Variants in ZNF66 observed in about 807,000 individuals in gnomAD.
The protein encoded by ZNF66 is zinc finger protein 66.
In ZNF66, 32 loss-of-function variants were observed where a neutral mutation model predicts 35.2. The ratio of observed to expected loss-of-function variants is 0.91; its 90% confidence interval spans 0.69 to 1.22. The LOEUF is 1.22. Among genes scored for constraint, ZNF66 ranks in the 50% most tolerant of loss-of-function variants. ZNF66 has a pLI of 0.00. For missense variants in ZNF66, 666 were observed against 543.1 expected (o/e 1.23, Z -2.25); for synonymous variants, 231 against 181.3 (o/e 1.27, Z -2.20).
In ZNF66 at chr19:20,785,670, T is replaced by A. The variant is rs188771875; in HGVS notation, c.4-6842T>A. On this transcript the variant is annotated intron_variant, in intron 1 of 3. Coordinates refer to ENST00000344519, the MANE Select transcript of ZNF66 (RefSeq NM_001355197.2). ...TAATTTTATAAGAAAGCCATTTTCT[T>A]TCTCTGGGGCTGAAGAAACCATTTT... Among the ~76,000 whole-genome samples the A allele has an allele frequency of 2.0e-3, 307 of 152,282 alleles. 1 individual carries two copies. The highest frequency in any genetic ancestry group is 7.1e-3 in the African/African-American group (296 of 41,558).
In ZNF66 at chr19:20,797,170, C is replaced by T. The variant is rs1021260880; in HGVS notation, c.226+3292C>T. ...CCGGCCTGACAATTTTTTAATAATG[C>T]ATCAATGTTGCATGCTAGATTTTTT... is the stretch of plus-strand genomic sequence containing the variant. On this transcript the variant is annotated intron_variant, in intron 3 of 3. Transcript: ENST00000344519. Among the ~76,000 whole-genome samples the T allele has an allele frequency of 1.6e-4, 21 of 132,328 alleles. 1 individual carries two copies. Among genetic ancestry groups the T allele is most frequent in the Admixed American group, 7.5e-4 (9 of 12,076 alleles). 86.8% of individuals were successfully genotyped at this position (132,328 alleles called of 152,430 possible).
intron 3 of ZNF66, among the ~76,000 whole-genome samples, chr19:20,795,296 C>T (rs1971381208): frequency 6.6e-6 from 1 of 151,946 alleles, no homozygotes; most frequent in Non-Finnish European, 1.5e-5. Context: ...ATGGAGTAAA[C>T]ACCTCTTCAA....
Position 20,806,311 on chromosome 19 carries a change from C to T in ZNF66, c.711C>T (p.Ala237=), listed in dbSNP as rs1347212994. ...KRYKCEDCGK[A]FNRSSNLTTH... Reference sequence around the variant, plus strand: ...ACAAATGTGAAGACTGTGGCAAAGCCTTTAACCGCTCCTCTAACCTTACTA... The same window carrying T: ...ACAAATGTGAAGACTGTGGCAAAGCTTTTAACCGCTCCTCTAACCTTACTA... Residue 237 remains alanine, a synonymous_variant, in exon 4 of 4, where the codon GCC becomes GCT. Transcript: ENST00000344519. 9 of 1,510,036 alleles carry T rather than the reference C, an allele frequency of 6.0e-6. No homozygotes were observed. The East Asian group carries it at 1.8e-4, about 30-fold the overall frequency. 93.5% of individuals were successfully genotyped at this position (1,510,036 alleles called of 1,614,324 possible).
chr19:20,798,049 T>TTATGGCTTATCTTG (rs1309322331), intron 3 of ZNF66, among the ~76,000 whole-genome samples: 1 of 145,660 alleles, frequency 6.9e-6, no homozygotes, highest in Non-Finnish European at 1.5e-5. Flanking sequence ...CCAATTTTAG[T>TTATGGCTTATCTTG]TATGGCTTAT....
Position 20,776,328 on chromosome 19 carries a change from A to T in ZNF66, c.-120A>T. On this transcript the variant is annotated 5_prime_UTR_variant, in exon 1 of 4. Coordinates refer to ENST00000344519, the MANE Select transcript of ZNF66 (RefSeq NM_001355197.2). ...TGTCTCTCCCTGCAGCTGGAGCTCCAGGTCGTCTGTTCACTGCTCTCTGTC... is the reference window on the plus strand; with the variant it reads ...TGTCTCTCCCTGCAGCTGGAGCTCCTGGTCGTCTGTTCACTGCTCTCTGTC... 7.0e-7 allele frequency: 1 copy of T among 1,434,840 alleles called. No homozygotes were observed. The highest frequency in any genetic ancestry group is 9.8e-7 in the Non-Finnish European group (1 of 1,021,162). 88.9% of individuals were successfully genotyped at this position (1,434,840 alleles called of 1,614,324 possible).
In ZNF66 at chr19:20,807,349, A is replaced by T; in HGVS notation, c.*27A>T. 1.7e-6 allele frequency: 1 copy of T among 596,036 alleles called. No individual in the cohort carries two copies. 36.9% of individuals were successfully genotyped at this position (596,036 alleles called of 1,614,324 possible). A position where few individuals can be genotyped will look rare whatever the true frequency, so the allele number is the denominator to read the frequency against. On this transcript the variant is annotated 3_prime_UTR_variant, in exon 4 of 4. Coordinates refer to ENST00000344519, the MANE Select transcript of ZNF66 (RefSeq NM_001355197.2). ...CACTCCTCTACCCTTACTAGACATA[A>T]GATAATTCATACTGGAGAGAAACCC...
At chr19:20,784,175 A>G (rs1213622054) in intron 1 of ZNF66, among the ~76,000 whole-genome samples, 7 of 152,194 alleles carry the variant, frequency 4.6e-5, no homozygotes, top group Non-Finnish European at 4.4e-5. Flanking sequence ...TTATGAATAT[A>G]AAGCCACAAT....
chr19:20,786,866 G>A (rs1044974696), intron 1 of ZNF66, among the ~76,000 whole-genome samples: 1 of 152,126 alleles, frequency 6.6e-6, no homozygotes, highest in African/African-American at 2.4e-5. Flanking sequence ...GGTTAAAGCA[G>A]TTCTTCTGTC....
At chr19:20,781,292 T>C (rs1971243042) in intron 1 of ZNF66, among the ~76,000 whole-genome samples, 1 of 152,158 alleles carries the variant, frequency 6.6e-6, no homozygotes, top group Admixed American at 6.5e-5. Context: ...GGTAAAATTA[T>C]GTCATGGGGG....
intron 3 of ZNF66, chr19:20,799,058 T>G (rs1391731711): frequency 9.4e-6 from 1 of 105,898 alleles, no homozygotes; most frequent in Non-Finnish European, 2.1e-5. Context: ...TTTCTTTTTC[T>G]TTCTTTCTTT....
At chr19:20,788,173 T>C (rs10410391) in intron 1 of ZNF66, among the ~76,000 whole-genome samples, 14,170 of 152,168 alleles carry the variant, frequency 0.093, 675 homozygotes, top group Middle Eastern at 0.11. Flanking sequence ...ATCTGGAGAC[T>C]CAAACAGATA....
chr19:20,782,961 G>A (rs1233124172), intron 1 of ZNF66, among the ~76,000 whole-genome samples: 5 of 151,974 alleles, frequency 3.3e-5, no homozygotes, highest in Non-Finnish European at 1.5e-5. Flanking sequence ...TTAGGTTATC[G>A]TGCAGATTTT....
chr19:20,777,603 C>T (rs1427875682), intron 1 of ZNF66, among the ~76,000 whole-genome samples: 10 of 151,524 alleles, frequency 6.6e-5, no homozygotes, highest in Admixed American at 5.9e-4. Flanking sequence ...CTCAAGTGTC[C>T]CCCATGTTCC....
At chr19:20,777,052 T>G (rs545382094) in intron 1 of ZNF66, among the ~76,000 whole-genome samples, 45 of 145,906 alleles carry the variant, frequency 3.1e-4, no homozygotes, top group African/African-American at 1.1e-3. Flanking sequence ...GAGGCGGAGG[T>G]TGCAGTGAGC....
At chr19:20,783,592 A>G (rs924719139) in intron 1 of ZNF66, among the ~76,000 whole-genome samples, 4 of 152,220 alleles carry the variant, frequency 2.6e-5, no homozygotes, top group African/African-American at 9.6e-5. Context: ...ACACAGAAGC[A>G]TAGCACAAAG....
At position 20,807,858 on chromosome 19, in the gene ZNF66, G is replaced by T. The variant is rs1418654619; in HGVS notation, c.*536G>T. Among the ~76,000 whole-genome samples the T allele has an allele frequency of 6.6e-6, 1 of 152,188 alleles. No individual in the cohort carries two copies. The highest frequency in any genetic ancestry group is 2.4e-5 in the African/African-American group (1 of 41,440). On this transcript the variant is annotated 3_prime_UTR_variant, in exon 4 of 4. Transcript: ENST00000344519. ...TCTCACTAGGGAGTGCCAGACAGTG[G>T]CTGCAGGACAGTGGGTGCAGTGCAC...
chr19:20,804,579 T>A (rs562075365), intron 3 of ZNF66, among the ~76,000 whole-genome samples: 1 of 152,176 alleles, frequency 6.6e-6, no homozygotes, highest in Non-Finnish European at 1.5e-5. Context: ...GCTTCCTCTG[T>A]TGTCCAGGCT....
At chr19:20,776,878 G>A (rs1971200192) in intron 1 of ZNF66, among the ~76,000 whole-genome samples, 1 of 152,152 alleles carries the variant, frequency 6.6e-6, no homozygotes, top group South Asian at 2.1e-4. Context: ...ACGTTGGGAG[G>A]CCGAGGCGGG....
chr19:20,795,669 A>G (rs527823812), intron 3 of ZNF66, among the ~76,000 whole-genome samples: 3 of 152,104 alleles, frequency 2.0e-5, no homozygotes, highest in East Asian at 3.9e-4. Context: ...ACCCTGCCCA[A>G]TTGTGTGGGT....
Sources: allele counts gnomAD v4.1 joint callset (sites outside exome capture counted in the v4.1 genomes callset), GRCh38; gene constraint gnomAD v4.1.1; transcripts MANE v1.5; gene names NCBI Gene and HGNC (gene_info 2026-07-23, HGNC 2026-07-21).